The following FAM221B variants were observed in gnomAD, a reference collection of about 807,000 sequenced individuals.
The protein encoded by FAM221B is family with sequence similarity 221 member B.
FAM221B carries 35 observed loss-of-function variants against 39.8 expected under a neutral mutation model. The observed-to-expected ratio is 0.88, with a 90% confidence interval of 0.67 to 1.17. The LOEUF (loss-of-function observed/expected upper bound fraction) is 1.17, where lower values mean the gene tolerates loss of function less well. FAM221B is among the 50% of genes most tolerant of loss of function. The pLI is 0.00. For synonymous variants in FAM221B, 158 were observed against 178.1 expected (o/e 0.89, Z 0.90); for missense variants, 479 against 503.1 (o/e 0.95, Z 0.46).
chr9:35,819,496 G>C (rs1476396322), intron 4 of FAM221B, 102 bp from the exon 5 acceptor site: 6 of 1,074,142 alleles, frequency 5.6e-6, no homozygotes, highest in African/African-American at 3.2e-5. Context: ...ACGCAGACAT[G>C]CTTTTTTTTT....
rs762151974 is a variant in FAM221B at position 35,819,871 on chromosome 9, C to A, written c.853+19G>T. On this transcript the variant is annotated intron_variant, in intron 4 of 6. Coordinates refer to ENST00000423537, the MANE Select transcript of FAM221B (RefSeq NM_001012446.4). The stretch of plus-strand genomic sequence containing the variant: ...GTTATTCCTCCACACTCGAGAGGGG[C>A]TGGTCAGTTCTCCCCTACCTGAGAT... The A allele has an allele frequency of 2.8e-6, 4 of 1,406,654 alleles. No homozygotes were observed. In the East Asian group the frequency reaches 9.0e-5, roughly 32 times the overall value. The allele number at this position is 1,406,654 out of a possible 1,614,324, so 87.1% of individuals were successfully genotyped here. A position where few individuals can be genotyped will look rare whatever the true frequency, so the allele number is the denominator to read the frequency against.
intron 1 of FAM221B, among the ~76,000 whole-genome samples, chr9:35,827,630 T>C (rs1458496292): frequency 6.6e-6 from 1 of 152,206 alleles, no homozygotes; most frequent in Non-Finnish European, 1.5e-5. Flanking sequence ...AACTGGCACT[T>C]TGTGGCTTAA....
At chr9:35,820,208 A>G (rs924551446) in intron 3 of FAM221B, among the ~76,000 whole-genome samples, 1 of 152,118 alleles carries the variant, frequency 6.6e-6, no homozygotes, top group African/African-American at 2.4e-5. Context: ...AAGTGTCTTC[A>G]GTTCTCTTCC....
At position 35,817,939 on chromosome 9, in the gene FAM221B, G is replaced by T. The variant is rs1448165829; in HGVS notation, c.*530C>A. 6.4e-6 allele frequency: 1 copy of T among 155,606 alleles called. No individual in the cohort carries two copies. The highest frequency in any genetic ancestry group is 1.4e-5 in the Non-Finnish European group (1 of 70,300). The allele number at this position is 155,606 out of a possible 1,614,324, so 9.6% of individuals were successfully genotyped here. A position where few individuals can be genotyped will look rare whatever the true frequency, so the allele number is the denominator to read the frequency against. On this transcript the variant is annotated 3_prime_UTR_variant, in exon 7 of 7. Transcript: ENST00000423537. Reference sequence around the variant, plus strand: ...CAGGCATCTCTTCTCTCTCTTCTGGGTCCTTCAAGGTCCTTTAGTCTACTG... The same window carrying T: ...CAGGCATCTCTTCTCTCTCTTCTGGTTCCTTCAAGGTCCTTTAGTCTACTG...
At position 35,825,804 on chromosome 9, in the gene FAM221B, A is replaced by AAGAC; in HGVS notation, c.354_357dup (p.Ser120ValfsTer4). On this transcript the variant is annotated frameshift_variant, in exon 2 of 7. Coordinates refer to ENST00000423537, the MANE Select transcript of FAM221B (RefSeq NM_001012446.4). LOFTEE classifies it high-confidence loss of function. This position sits in a 1 kb window ranked among gnomAD's most constrained non-coding sequence, Gnocchi z 4.2. Reference sequence around the variant, plus strand: ...AGGTCTTCCTTCAGAGTATCAGAAGAAGACAGACAGACATAGTCTCGTGAT... The same window carrying AAGAC: ...AGGTCTTCCTTCAGAGTATCAGAAGAAGACAGACAGACAGACATAGTCTCGTGAT... 1 of 1,614,172 alleles carries AAGAC rather than the reference A, an allele frequency of 6.2e-7. No individual in the cohort carries two copies. The highest frequency in any genetic ancestry group is 8.5e-7 in the Non-Finnish European group (1 of 1,180,000).
At position 35,818,407 on chromosome 9, in the gene FAM221B, G is replaced by T; in HGVS notation, c.*62C>A. ...TCTCTCCCTGGGCTGGGATCTACCT[G>T]CCCCATATAGAGCCAAGTCAGGTTC... On this transcript the variant is annotated 3_prime_UTR_variant, in exon 7 of 7. Transcript: ENST00000423537. 6.8e-7 allele frequency: 1 copy of T among 1,467,010 alleles called. No individual in the cohort carries two copies. Among genetic ancestry groups the T allele is most frequent in the South Asian group, 1.2e-5 (1 of 82,334 alleles). 90.9% of individuals were successfully genotyped at this position (1,467,010 alleles called of 1,614,324 possible).
At chr9:35,818,633 C>A in intron 6 of FAM221B, 127 bp from the exon 7 acceptor site, 1 of 1,061,580 alleles carries the variant, frequency 9.4e-7, no homozygotes, top group Non-Finnish European at 1.4e-6. Context: ...CAGAGGGCCC[C>A]TGTATCTGCA....
Position 35,825,313 on chromosome 9 carries a change from G to T in FAM221B, c.659C>A (p.Ala220Glu). Residue 220 changes from alanine (A) to glutamate (E), a missense_variant, in exon 3 of 7, where the codon GCA becomes GAA. Coordinates refer to ENST00000423537, the MANE Select transcript of FAM221B (RefSeq NM_001012446.4). This position sits in a 1 kb window ranked among gnomAD's most constrained non-coding sequence, Gnocchi z 4.2. ...RQTELVEVAK[A>E]MHREEFGAQV... Reference sequence around the variant, plus strand: ...AGCACCAAACTCCTCTCTATGCATTGCCTTAGCCACTTCCACCAGCTCTGT... The same window carrying T: ...AGCACCAAACTCCTCTCTATGCATTTCCTTAGCCACTTCCACCAGCTCTGT... 6.2e-7 allele frequency: 1 copy of T among 1,614,218 alleles called. No homozygotes were observed. Among genetic ancestry groups the T allele is most frequent in the South Asian group, 1.1e-5 (1 of 91,078 alleles).
At chr9:35,819,065 T>C in intron 5 of FAM221B, 56 bp from the exon 6 acceptor site, 2 of 1,548,538 alleles carry the variant, frequency 1.3e-6, no homozygotes, top group Non-Finnish European at 1.7e-6. Context: ...CCCCAGGAGC[T>C]GACCACATTC....
chr9:35,827,468 C>T (rs1165309545), intron 1 of FAM221B, among the ~76,000 whole-genome samples: 4 of 152,174 alleles, frequency 2.6e-5, no homozygotes, highest in African/African-American at 9.7e-5. Context: ...AGGAGAGAGA[C>T]CGATTAACCA....
At chr9:35,821,756 A>T in intron 3 of FAM221B, 1 of 466,822 alleles carries the variant, frequency 2.1e-6, no homozygotes, top group Non-Finnish European at 3.8e-6. Flanking sequence ...CAGATGAAGA[A>T]GACTGGAGTT....
At position 35,817,741 on chromosome 9, in the gene FAM221B, A is replaced by G. The variant is rs1829050875; in HGVS notation, c.*728T>C. The G allele has an allele frequency of 6.6e-6, 1 of 152,354 alleles. No homozygotes were observed. Among genetic ancestry groups the G allele is most frequent in the Admixed American group, 6.5e-5 (1 of 15,290 alleles). The allele number at this position is 152,354 out of a possible 1,614,324, so 9.4% of individuals were successfully genotyped here. On this transcript the variant is annotated 3_prime_UTR_variant, in exon 7 of 7. Transcript: ENST00000423537. ...TTATCTCCTACTTCACAGGGCATAT[A>G]GAAGCCATCAGAGGGGAACTTCCAC...
rs941496833 is a variant in FAM221B, at chr9:35,824,149, G to A, written c.742+1081C>T. Among the ~76,000 whole-genome samples the A allele has an allele frequency of 5.9e-5, 9 of 152,038 alleles. No individual in the cohort carries two copies. The East Asian group carries it at 7.7e-4, about 13-fold the overall frequency. ...GTCTTTATGTTTTAGGCCTGTCATC[G>A]TAGCTCTATTCCCATCATAAAGGGA... On this transcript the variant is annotated intron_variant, in intron 3 of 6. Coordinates refer to ENST00000423537, the MANE Select transcript of FAM221B (RefSeq NM_001012446.4).
chr9:35,825,914 G>A lies in FAM221B; in HGVS notation c.248C>T (p.Thr83Ile). ...ETHQEPSISE[T>I]PSETPTYEAS... is the part of the protein sequence containing the mutation. ...CTCATAGGTAGGGGTCTCTGAAGGA[G>A]TCTCAGAGATGGAAGGCTCCTGATG... Residue 83 changes from threonine (T) to isoleucine (I), a missense_variant, in exon 2 of 7, where the codon ACT becomes ATT. By Grantham distance (89) the Thr-to-Ile change is moderately conservative. Transcript: ENST00000423537. This position sits in a 1 kb window ranked among gnomAD's most constrained non-coding sequence, Gnocchi z 4.2. The A allele has an allele frequency of 6.2e-7, 1 of 1,614,064 alleles. No individual in the cohort carries two copies.
chr9:35,823,059 A>G (rs1021685064), intron 3 of FAM221B, among the ~76,000 whole-genome samples: 1 of 152,176 alleles, frequency 6.6e-6, no homozygotes, highest in Non-Finnish European at 1.5e-5. Context: ...GTGCATTGCT[A>G]TAGATTCCTG....
intron 6 of FAM221B, 60 bp from the exon 7 acceptor site, chr9:35,818,566 G>T (rs1447781670): frequency 8.0e-6 from 12 of 1,498,946 alleles, no homozygotes; most frequent in Non-Finnish European, 1.0e-5. Flanking sequence ...GGGAGGCCAG[G>T]CTGGAGACCG....
At position 35,819,931 on chromosome 9, in the gene FAM221B, C is replaced by T; in HGVS notation, c.812G>A (p.Cys271Tyr). The T allele has an allele frequency of 6.2e-7, 1 of 1,609,468 alleles. No individual in the cohort carries two copies. Among genetic ancestry groups the T allele is most frequent in the Non-Finnish European group, 8.5e-7 (1 of 1,176,984 alleles). ...DCFRIGDESR[C>Y]FCGHLLREHR... ...CTCTCTCAACAAGTGTCCACAAAAG[C>T]ATCTGGACTCATCCCCAATCCGGAA... Residue 271 changes from cysteine (C) to tyrosine (Y), a missense_variant, in exon 4 of 7, where the codon TGC (cysteine) becomes TAC (tyrosine). Transcript: ENST00000423537.
intron 1 of FAM221B, among the ~76,000 whole-genome samples, chr9:35,827,564 A>T (rs184104214): frequency 1.3e-5 from 2 of 152,318 alleles, no homozygotes; most frequent in East Asian, 3.9e-4. Context: ...TTATCCTGCA[A>T]GGATGTAGTC....
At position 35,825,906 on chromosome 9, in the gene FAM221B, C is replaced by G; in HGVS notation, c.256G>C (p.Glu86Gln). The G allele has an allele frequency of 6.2e-7, 1 of 1,613,988 alleles. No individual in the cohort carries two copies. The highest frequency in any genetic ancestry group is 1.7e-5 in the Admixed American group (1 of 59,998). The change falls in exon 2 of 7, where the codon GAG becomes CAG. Residue 86 changes from glutamate to glutamine, a missense_variant. Glu to Gln is a conservative substitution (Grantham distance 29). Transcript: ENST00000423537. This position sits in a 1 kb window ranked among gnomAD's most constrained non-coding sequence, Gnocchi z 4.2. ...AATGAAGCCTCATAGGTAGGGGTCT[C>G]TGAAGGAGTCTCAGAGATGGAAGGC... ...QEPSISETPSETPTYEASLDS... is the reference protein window; with the variant it reads ...QEPSISETPSQTPTYEASLDS...
Sources: gnomAD v4.1 joint callset for allele counts (sites outside exome capture counted in the v4.1 genomes callset) on GRCh38, gnomAD v4.1.1 for gene constraint, Gnocchi (gnomAD v3.1) non-coding constraint, MANE v1.5 for transcripts, NCBI Gene and HGNC (gene_info 2026-07-23, HGNC 2026-07-21) for gene names.